Variants in CTNNA3 observed in about 807,000 individuals in gnomAD.
CTNNA3 encodes the protein catenin alpha-3.
A neutral mutation model predicts 95.7 loss-of-function variants in CTNNA3; 76 were observed. That is an observed-to-expected ratio of 0.79 (90% CI 0.66 to 0.96). The LOEUF (loss-of-function observed/expected upper bound fraction) is 0.96, where lower values mean the gene tolerates loss of function less well. Among genes scored for constraint, CTNNA3 ranks in the 40% least tolerant of loss-of-function variants. The probability of loss-of-function intolerance (pLI) is 0.00; values close to 1 mark genes in which losing one functional copy is unlikely to be tolerated. For synonymous variants in CTNNA3, 431 were observed against 374.4 expected, an observed-to-expected ratio of 1.15 and a Z score of -1.74; for missense variants, 1,191 against 1,089.8, an observed-to-expected ratio of 1.09 and a Z score of -1.31.
At chr10:66,145,219 T>A (rs2083820745) in intron 13 of CTNNA3, among the ~76,000 whole-genome samples, 1 of 152,172 alleles carries the variant, frequency 6.6e-6, no homozygotes, top group African/African-American at 2.4e-5. Flanking sequence ...CGTTCAAGAC[T>A]CTAAAACCTG....
intron 14 of CTNNA3, among the ~76,000 whole-genome samples, chr10:66,086,333 T>A (rs181793534): frequency 6.6e-6 from 1 of 152,244 alleles, no homozygotes; most frequent in Non-Finnish European, 1.5e-5. Flanking sequence ...TGGAGGAATC[T>A]TTCAGGAAGA....
At chr10:66,538,625 C>T (rs189195873) in intron 10 of CTNNA3, among the ~76,000 whole-genome samples, 247 of 152,208 alleles carry the variant, frequency 1.6e-3, no homozygotes, top group African/African-American at 4.2e-3. Flanking sequence ...ACTTTACTGA[C>T]GAACCTTTTA....
At chr10:66,921,199 C>G (rs192080902) in intron 7 of CTNNA3, among the ~76,000 whole-genome samples, 1 of 152,282 alleles carries the variant, frequency 6.6e-6, no homozygotes, top group East Asian at 1.9e-4. Flanking sequence ...AGCAAGCTCT[C>G]TCATTTCTGT....
intron 12 of CTNNA3, among the ~76,000 whole-genome samples, chr10:66,360,129 C>A (rs1277585708): frequency 2.0e-5 from 3 of 151,854 alleles, no homozygotes; most frequent in Non-Finnish European, 4.4e-5. Context: ...ACCTGGCCCT[C>A]ATCTTACTAA....
chr10:67,397,903 C>A (rs1844774274), intron 5 of CTNNA3, among the ~76,000 whole-genome samples: 1 of 152,158 alleles, frequency 6.6e-6, no homozygotes, highest in Non-Finnish European at 1.5e-5. Context: ...CCTGTGGGTG[C>A]ACAGAAGTCA....
intron 1 of CTNNA3, among the ~76,000 whole-genome samples, chr10:67,749,139 T>C (rs935227590): frequency 7.9e-5 from 12 of 152,004 alleles, no homozygotes; most frequent in African/African-American, 2.9e-4. Flanking sequence ...TATGCATATA[T>C]TTATGAACAC....
chr10:67,648,857 C>A, intron 1 of CTNNA3: 2 of 1,138,628 alleles, frequency 1.8e-6, no homozygotes, highest in Non-Finnish European at 1.2e-6. Flanking sequence ...GCTCCAAACA[C>A]TATTGCCAAA....
intron 5 of CTNNA3, among the ~76,000 whole-genome samples, chr10:67,381,030 C>T (rs931430696): frequency 1.3e-5 from 2 of 152,302 alleles, no homozygotes; most frequent in African/African-American, 4.8e-5. Flanking sequence ...ATGACTGTCT[C>T]TCTGCTGATT....
At chr10:66,415,441 C>T (rs1389645842) in intron 11 of CTNNA3, among the ~76,000 whole-genome samples, 1 of 152,142 alleles carries the variant, frequency 6.6e-6, no homozygotes, top group East Asian at 1.9e-4. Context: ...GGTTGTCACA[C>T]CACTGCCACT....
At chr10:66,098,252 A>T (rs1191579114) in intron 14 of CTNNA3, among the ~76,000 whole-genome samples, 1 of 152,198 alleles carries the variant, frequency 6.6e-6, no homozygotes, top group Non-Finnish European at 1.5e-5. Flanking sequence ...ATAGTAGATC[A>T]ATGACAATAT....
chr10:66,037,988 C>T (rs530794856), intron 15 of CTNNA3, among the ~76,000 whole-genome samples: 1 of 152,264 alleles, frequency 6.6e-6, no homozygotes, highest in East Asian at 1.9e-4. Flanking sequence ...CCACAAAGCT[C>T]CCATGCAGCT....
chr10:67,576,418 T>C lies in CTNNA3; in HGVS notation c.292+30439A>G, dbSNP rs570246528. On this transcript the variant is annotated intron_variant, in intron 3 of 17. Coordinates refer to ENST00000433211, the MANE Select transcript of CTNNA3 (RefSeq NM_013266.4). ...GGCATTATTGTATAGTTGTTAATAG[T>C]TTTCCTTACCCCCTCTACTATAATT... 1.2e-4 allele frequency among the ~76,000 whole-genome samples: 18 copies of C among 152,180 alleles called. 1 individual carries two copies. The East Asian group carries it at 3.5e-3, about 29-fold the overall frequency.
chr10:66,534,114 G>A (rs1365605184), intron 10 of CTNNA3, among the ~76,000 whole-genome samples: 6 of 152,042 alleles, frequency 3.9e-5, no homozygotes, highest in Non-Finnish European at 7.3e-5. Context: ...AGTGAGTCTC[G>A]AGTTAGCAAA....
chr10:66,683,450 G>A (rs988330665), intron 9 of CTNNA3, among the ~76,000 whole-genome samples: 15 of 152,290 alleles, frequency 9.8e-5, no homozygotes, highest in African/African-American at 3.6e-4. Flanking sequence ...AAAGGAAGTA[G>A]AAATACACCA....
intron 11 of CTNNA3, among the ~76,000 whole-genome samples, chr10:66,481,856 C>G (rs368247703): frequency 4.3e-4 from 65 of 152,104 alleles, no homozygotes; most frequent in African/African-American, 1.5e-3. Context: ...TGTTGGTCCA[C>G]GTTGGTCCAT....
chr10:66,650,977 C>T (rs1444806421), intron 9 of CTNNA3, among the ~76,000 whole-genome samples: 1 of 152,174 alleles, frequency 6.6e-6, no homozygotes, highest in Non-Finnish European at 1.5e-5. Context: ...TATCTGACCC[C>T]ACCCACATCC....
chr10:67,360,114 T>C (rs549993067), intron 5 of CTNNA3, among the ~76,000 whole-genome samples: 1 of 151,942 alleles, frequency 6.6e-6, no homozygotes, highest in Non-Finnish European at 1.5e-5. Context: ...CTAAGCTTCA[T>C]AGTACAGGAG....
intron 1 of CTNNA3, among the ~76,000 whole-genome samples, chr10:67,677,600 C>T (rs1840557914): frequency 1.3e-5 from 2 of 152,160 alleles, no homozygotes; most frequent in African/African-American, 4.8e-5. Flanking sequence ...AGTCAGCTTG[C>T]ACCCCCTTAC....
At chr10:66,530,865 AGAG>A (rs1841442296) in intron 10 of CTNNA3, among the ~76,000 whole-genome samples, 1 of 152,176 alleles carries the variant, frequency 6.6e-6, no homozygotes, top group South Asian at 2.1e-4. Context: ...GTATTTTTTA[AGAG>A]GAGAAGGGGA....
Sources: gnomAD v4.1 joint callset for allele counts (sites outside exome capture counted in the v4.1 genomes callset) on GRCh38, gnomAD v4.1.1 for gene constraint, MANE v1.5 for transcripts, NCBI Gene and HGNC (gene_info 2026-07-23, HGNC 2026-07-21) for gene names.